Variants in GALM observed in about 807,000 individuals in gnomAD.
GALM encodes galactose mutarotase.
Under a neutral mutation model 37.4 loss-of-function variants are expected in GALM, and 43 were observed. The observed-to-expected ratio is 1.15, with a 90% CI of 0.90 to 1.48. The LOEUF (loss-of-function observed/expected upper bound fraction) is 1.48, where lower values mean the gene tolerates loss of function less well. GALM is among the 40% of genes most tolerant of loss of function. The pLI is 0.00. For missense variants in GALM, 456 were observed against 419.1 expected, an observed-to-expected ratio of 1.09 and a Z score of -0.77; for synonymous variants, 199 against 170.6, an observed-to-expected ratio of 1.17 and a Z score of -1.30.
In GALM at chr2:38,731,836, A is replaced by G; in HGVS notation, c.878A>G (p.Lys293Arg). The stretch of plus-strand genomic sequence containing the variant: ...TTCCTGGATGGCACATTAAAGGGCA[A>G]GAATGGAGCTGTCTATCCCAAGCAC... ...GNFLDGTLKG[K>R]NGAVYPKHSG... is the part of the protein sequence containing the mutation. Residue 293 changes from lysine (K) to arginine (R), a missense_variant, in exon 6 of 7, where the codon AAG becomes AGG. By Grantham distance (26) the Lys-to-Arg change is conservative. Transcript: ENST00000272252. 1 of 1,614,158 alleles carries G rather than the reference A, an allele frequency of 6.2e-7. No individual in the cohort carries two copies. Among genetic ancestry groups the G allele is most frequent in the Non-Finnish European group, 8.5e-7 (1 of 1,180,014 alleles).
At chr2:38,709,383 A>G (rs1432494935) in intron 4 of GALM, among the ~76,000 whole-genome samples, 1 of 152,162 alleles carries the variant, frequency 6.6e-6, no homozygotes, top group East Asian at 1.9e-4. Flanking sequence ...ATACCCCACC[A>G]TGAAAATGCC....
intron 4 of GALM, among the ~76,000 whole-genome samples, chr2:38,727,708 G>C (rs1270538994): frequency 7.5e-5 from 11 of 146,522 alleles, no homozygotes; most frequent in African/African-American, 2.8e-4. Context: ...CCAGGCAACA[G>C]AGGGAGACTA....
chr2:38,679,017 C>G (rs1011388301), intron 2 of GALM, among the ~76,000 whole-genome samples: 14 of 152,138 alleles, frequency 9.2e-5, no homozygotes, highest in South Asian at 2.1e-4. Flanking sequence ...CACGGAGTCT[C>G]ACTCTGTTGC....
intron 3 of GALM, among the ~76,000 whole-genome samples, chr2:38,684,499 C>A (rs1246691715): frequency 6.6e-6 from 1 of 151,712 alleles, no homozygotes; most frequent in Non-Finnish European, 1.5e-5. Flanking sequence ...ATAGAGAGAT[C>A]CCCCATCTCT....
intron 1 of GALM, among the ~76,000 whole-genome samples, chr2:38,674,378 C>T (rs567082982): frequency 8.4e-4 from 128 of 152,002 alleles, no homozygotes; most frequent in African/African-American, 3.0e-3. Flanking sequence ...TTAGTGGAGA[C>T]GGGGTTTCAC....
chr2:38,683,369 C>G (rs116647675), intron 3 of GALM, among the ~76,000 whole-genome samples: 1 of 152,142 alleles, frequency 6.6e-6, no homozygotes, highest in Non-Finnish European at 1.5e-5. Context: ...TTGAATATCC[C>G]TTATCCAAAA....
chr2:38,691,085 A>C (rs1345284073), intron 4 of GALM, among the ~76,000 whole-genome samples: 1 of 152,240 alleles, frequency 6.6e-6, no homozygotes, highest in Non-Finnish European at 1.5e-5. Flanking sequence ...GAATTACTGC[A>C]GTAGAACTAT....
intron 4 of GALM, among the ~76,000 whole-genome samples, chr2:38,696,001 C>T (rs113772293): frequency 0.094 from 14,141 of 150,768 alleles, 732 homozygotes; most frequent in Middle Eastern, 0.11. Context: ...ACCCCGCCTG[C>T]GTGTTTGTTT....
chr2:38,709,252 G>T (rs1168142763), intron 4 of GALM, among the ~76,000 whole-genome samples: 1 of 152,164 alleles, frequency 6.6e-6, no homozygotes, highest in Non-Finnish European at 1.5e-5. Flanking sequence ...GAATGCCCTT[G>T]TGCCTGTGCA....
chr2:38,703,941 A>G (rs1264000177), intron 4 of GALM, among the ~76,000 whole-genome samples: 5 of 152,024 alleles, frequency 3.3e-5, no homozygotes, highest in Non-Finnish European at 7.4e-5. Context: ...CTTTGAACCC[A>G]GGAGGCAGAG....
intron 4 of GALM, among the ~76,000 whole-genome samples, chr2:38,714,571 A>T (rs1381046569): frequency 2.6e-5 from 4 of 152,206 alleles, no homozygotes; most frequent in Non-Finnish European, 5.9e-5. Context: ...CCAAGTGTAG[A>T]GAAAAAGGCA....
intron 4 of GALM, among the ~76,000 whole-genome samples, chr2:38,702,202 T>C (rs1207489104): frequency 6.6e-6 from 1 of 152,114 alleles, no homozygotes. Flanking sequence ...AAAAAAATCT[T>C]AAGATCTATC....
chr2:38,666,501 G>C, intron 1 of GALM, 150 bp downstream of exon 1: 1 of 597,430 alleles, frequency 1.7e-6, no homozygotes, highest in Non-Finnish European at 2.9e-6. Context: ...GCATCATAGA[G>C]GGCCGTGTGG....
At chr2:38,682,706 G>C (rs773018077) in intron 3 of GALM, among the ~76,000 whole-genome samples, 3 of 152,104 alleles carry the variant, frequency 2.0e-5, no homozygotes, top group Non-Finnish European at 4.4e-5. Context: ...AGACCAGCCT[G>C]ACCAACATAG....
intron 4 of GALM, among the ~76,000 whole-genome samples, chr2:38,702,381 C>T (rs1421401606): frequency 6.6e-6 from 1 of 151,798 alleles, no homozygotes; most frequent in Non-Finnish European, 1.5e-5. Flanking sequence ...GAACATTTCA[C>T]TGGTCAAAAA....
At position 38,675,929 on chromosome 2, in the gene GALM, C is replaced by T. The variant is rs1665248648; in HGVS notation, c.208C>T (p.Pro70Ser). The T allele has an allele frequency of 6.2e-7, 1 of 1,613,980 alleles. No homozygotes were observed. The highest frequency in any genetic ancestry group is 8.5e-7 in the Non-Finnish European group (1 of 1,179,982). ...CCTTGCAGGATACCTCCAAAAGCAG[C>T]CATACTTTGGAGCAGTTATTGGGAG... ...AELEGYLQKQ[P>S]YFGAVIGRVA... The change falls in exon 2 of 7, where the codon CCA becomes TCA. Residue 70 changes from proline to serine, a missense_variant. Transcript: ENST00000272252.
chr2:38,682,703 C>A (rs1307170826), intron 3 of GALM, among the ~76,000 whole-genome samples: 1 of 152,036 alleles, frequency 6.6e-6, no homozygotes, highest in Non-Finnish European at 1.5e-5. Flanking sequence ...TTGAGACCAG[C>A]CTGACCAACA....
chr2:38,705,585 T>C (rs1666019612), intron 4 of GALM, among the ~76,000 whole-genome samples: 1 of 151,426 alleles, frequency 6.6e-6, no homozygotes, highest in Admixed American at 6.6e-5. Context: ...ACAAGGAGAG[T>C]GAGAGTACCA....
In GALM at chr2:38,708,613, C is replaced by T. The variant is rs190553559; in HGVS notation, c.634+18719C>T. ...AAAATTAGCCAGGTATGGTGGCGGG[C>T]GCCTGTAGTCCCAGCTACTCAGGAA... On this transcript the variant is annotated intron_variant, in intron 4 of 6. Transcript: ENST00000272252. Among the ~76,000 whole-genome samples, 64 of 151,638 alleles carry T rather than the reference C, an allele frequency of 4.2e-4. 1 individual carries two copies. Among genetic ancestry groups the T allele is most frequent in the Admixed American group, 3.8e-3 (58 of 15,208 alleles).
Sources: gnomAD v4.1 joint callset for allele counts (sites outside exome capture counted in the v4.1 genomes callset) on GRCh38, gnomAD v4.1.1 for gene constraint, MANE v1.5 for transcripts, NCBI Gene and HGNC (gene_info 2026-07-23, HGNC 2026-07-21) for gene names.